AIG1: variants seen among roughly 807,000 people sequenced by gnomAD.
The protein encoded by AIG1 is androgen-induced gene 1 protein.
In AIG1, 23 loss-of-function variants were observed where a neutral mutation model predicts 31.4. The ratio of observed to expected loss-of-function variants is 0.73; its 90% CI spans 0.53 to 1.04. The LOEUF is 1.04. Ranked by LOEUF, AIG1 falls within the 50% of genes least tolerant of loss-of-function variation. The pLI is 0.00. For missense variants in AIG1, 274 were observed against 295.0 expected, an observed-to-expected ratio of 0.93 and a Z score of 0.52; for synonymous variants, 100 against 110.5, an observed-to-expected ratio of 0.90 and a Z score of 0.60.
At chr6:143,318,609 A>G (rs1484120338) in intron 4 of AIG1, among the ~76,000 whole-genome samples, 3 of 152,202 alleles carry the variant, frequency 2.0e-5, no homozygotes, top group African/African-American at 7.2e-5. Flanking sequence ...AAGCAAATGC[A>G]ATGAAAACAA....
chr6:143,249,989 G>A (rs944125224), intron 3 of AIG1, among the ~76,000 whole-genome samples: 18 of 152,308 alleles, frequency 1.2e-4, no homozygotes, highest in Middle Eastern at 3.4e-3. Flanking sequence ...ATGTACAGCC[G>A]TGGCAAGCAA....
At chr6:143,149,708 C>A (rs955127570) in intron 2 of AIG1, among the ~76,000 whole-genome samples, 1 of 152,106 alleles carries the variant, frequency 6.6e-6, no homozygotes, top group Non-Finnish European at 1.5e-5. Context: ...TGGTTTTATA[C>A]AGTTTTACGG....
chr6:143,278,283 C>A (rs1339055811), intron 3 of AIG1, among the ~76,000 whole-genome samples: 2 of 152,112 alleles, frequency 1.3e-5, no homozygotes, highest in Non-Finnish European at 2.9e-5. Flanking sequence ...TTCCAGTATA[C>A]CCCAGTATGT....
intron 1 of AIG1, among the ~76,000 whole-genome samples, chr6:143,105,386 A>G (rs750487565): frequency 1.3e-5 from 2 of 152,194 alleles, no homozygotes; most frequent in Non-Finnish European, 2.9e-5. Flanking sequence ...AGGCCTTCAC[A>G]CACCAGGAAG....
chr6:143,063,698 A>G (rs1271844151), intron 1 of AIG1, among the ~76,000 whole-genome samples: 2 of 151,986 alleles, frequency 1.3e-5, no homozygotes, highest in Non-Finnish European at 2.9e-5. Context: ...TAACTTTTTA[A>G]AATTGTAATG....
intron 3 of AIG1, among the ~76,000 whole-genome samples, chr6:143,218,071 G>C (rs1055680046): frequency 1.3e-5 from 2 of 152,156 alleles, no homozygotes; most frequent in Non-Finnish European, 2.9e-5. Context: ...TAATTGCATC[G>C]TCTCATTTGC....
chr6:143,286,504 C>T (rs1157078024), intron 4 of AIG1, among the ~76,000 whole-genome samples: 1 of 152,136 alleles, frequency 6.6e-6, no homozygotes, highest in Non-Finnish European at 1.5e-5. Flanking sequence ...ATGGCCCTCA[C>T]GTCATGTCCC....
chr6:143,238,236 C>T (rs910586843), intron 3 of AIG1, among the ~76,000 whole-genome samples: 3 of 152,156 alleles, frequency 2.0e-5, no homozygotes, highest in African/African-American at 7.2e-5. Flanking sequence ...CCACCGCACC[C>T]GGCCCCATTT....
At chr6:143,079,872 A>C (rs1437005875) in intron 1 of AIG1, among the ~76,000 whole-genome samples, 1 of 147,062 alleles carries the variant, frequency 6.8e-6, no homozygotes, top group Non-Finnish European at 1.5e-5. Flanking sequence ...GGGGGTTGCC[A>C]CTCCGTGCTC....
At chr6:143,302,004 C>A (rs1798858438) in intron 4 of AIG1, among the ~76,000 whole-genome samples, 1 of 152,060 alleles carries the variant, frequency 6.6e-6, no homozygotes, top group Non-Finnish European at 1.5e-5. Context: ...TAATAACCCT[C>A]CGTTGTCTTA....
At chr6:143,337,421 C>A (rs1341502293) in intron 5 of AIG1, among the ~76,000 whole-genome samples, 1 of 152,046 alleles carries the variant, frequency 6.6e-6, no homozygotes, top group African/African-American at 2.4e-5. Context: ...CCAGCCACAC[C>A]CTTGGCATTC....
At chr6:143,210,094 T>C (rs555392655) in intron 3 of AIG1, among the ~76,000 whole-genome samples, 1 of 152,194 alleles carries the variant, frequency 6.6e-6, no homozygotes, top group African/African-American at 2.4e-5. Context: ...CCTCATGCTG[T>C]TCTTGTGATA....
At chr6:143,199,870 A>G (rs970738627) in intron 3 of AIG1, among the ~76,000 whole-genome samples, 3 of 152,230 alleles carry the variant, frequency 2.0e-5, no homozygotes, top group African/African-American at 7.2e-5. Flanking sequence ...TCAAATTAGA[A>G]GGATCAGGAA....
chr6:143,269,699 G>C (rs1417278192), intron 3 of AIG1, among the ~76,000 whole-genome samples: 1 of 152,158 alleles, frequency 6.6e-6, no homozygotes, highest in Non-Finnish European at 1.5e-5. Flanking sequence ...ATATAATATT[G>C]AACAAAAGCA....
chr6:143,259,506 T>C (rs1032880387), intron 3 of AIG1, among the ~76,000 whole-genome samples: 29 of 152,220 alleles, frequency 1.9e-4, no homozygotes, highest in Non-Finnish European at 3.4e-4. Flanking sequence ...CAAGGTTTTT[T>C]CTTGGGCCCT....
At chr6:143,343,486 G>T (rs750370686), downstream of AIG1, 45 of 256,770 alleles carry the variant, frequency 1.8e-4, no homozygotes, top group Non-Finnish European at 2.9e-4. Flanking sequence ...CCTGGAAGAC[G>T]CCAGCATCTG....
intron 1 of AIG1, among the ~76,000 whole-genome samples, chr6:143,066,896 A>G (rs967916676): frequency 6.6e-6 from 1 of 151,816 alleles, no homozygotes; most frequent in African/African-American, 2.4e-5. Flanking sequence ...AAGGGTGGGT[A>G]TGGTGGCTCA....
chr6:143,199,805 G>A lies in AIG1; in HGVS notation c.399+34622G>A, dbSNP rs147782542. 3.8e-3 allele frequency among the ~76,000 whole-genome samples: 586 copies of A among 152,296 alleles called. 5 individuals are homozygous for A. The highest frequency in any genetic ancestry group is 0.013 in the African/African-American group (556 of 41,568). On this transcript the variant is annotated intron_variant, in intron 3 of 5. Coordinates refer to ENST00000357847, the MANE Select transcript of AIG1 (RefSeq NM_016108.4). Reference sequence around the variant, plus strand: ...CTCAGGCAAATAAGACAGTGCCTTAGATAAATCTAATTTAAGAGAAGTATA... The same window carrying A: ...CTCAGGCAAATAAGACAGTGCCTTAAATAAATCTAATTTAAGAGAAGTATA...
chr6:143,292,079 A>G lies in AIG1; in HGVS notation c.515+7854A>G, dbSNP rs1475437413. Among the ~76,000 whole-genome samples, 1 of 152,196 alleles carries G rather than the reference A, an allele frequency of 6.6e-6. No individual in the cohort carries two copies. Among genetic ancestry groups the G allele is most frequent in the Non-Finnish European group, 1.5e-5 (1 of 68,032 alleles). On this transcript the variant is annotated intron_variant, in intron 4 of 5. Coordinates refer to ENST00000357847, the MANE Select transcript of AIG1 (RefSeq NM_016108.4). The surrounding 1 kb of genome is among the most constrained non-coding windows in gnomAD (Gnocchi z 4.9). ...AGGATTCTGGATATATTTTGAAGGTAGGGTCAATAGGATTTCCTGGCCAAA... is the reference window on the plus strand; with the variant it reads ...AGGATTCTGGATATATTTTGAAGGTGGGGTCAATAGGATTTCCTGGCCAAA...
Sources: allele counts gnomAD v4.1 joint callset (sites outside exome capture counted in the v4.1 genomes callset), GRCh38; gene constraint gnomAD v4.1.1; non-coding constraint Gnocchi (gnomAD v3.1); transcripts MANE v1.5; gene names NCBI Gene and HGNC (gene_info 2026-07-23, HGNC 2026-07-21).